Variants in ADAP2 observed in about 807,000 individuals in gnomAD.
ADAP2 encodes the protein ArfGAP with dual PH domains 2.
A neutral mutation model predicts 54.9 loss-of-function variants in ADAP2; 42 were observed. The observed-to-expected ratio is 0.77, with a 90% CI of 0.60 to 0.99. ADAP2 has a LOEUF of 0.99. Among genes scored for constraint, ADAP2 ranks in the 50% least tolerant of loss-of-function variants. The probability of loss-of-function intolerance (pLI) is 0.00; values close to 1 mark genes in which losing one functional copy is unlikely to be tolerated. For synonymous variants in ADAP2, 177 were observed against 180.1 expected (o/e 0.98, Z 0.14); for missense variants, 429 against 480.4 (o/e 0.89, Z 1.00).
At chr17:30,942,899 C>T (rs923799340) in intron 5 of ADAP2, among the ~76,000 whole-genome samples, 1 of 152,120 alleles carries the variant, frequency 6.6e-6, no homozygotes. Context: ...AAAAAAGTAA[C>T]AGATACTGGT....
intron 6 of ADAP2, among the ~76,000 whole-genome samples, chr17:30,947,497 G>A (rs1182413329): frequency 1.3e-5 from 2 of 152,134 alleles, no homozygotes; most frequent in Admixed American, 1.3e-4. Context: ...GAGATTACAG[G>A]CATGTACCAC....
At chr17:30,939,625 G>T (rs937123422) in intron 5 of ADAP2, among the ~76,000 whole-genome samples, 2 of 151,906 alleles carry the variant, frequency 1.3e-5, no homozygotes, top group Non-Finnish European at 2.9e-5. Context: ...CAAAAACTTA[G>T]CTGGGCGTGG....
chr17:30,923,638 T>G (rs1031339041), intron 2 of ADAP2, among the ~76,000 whole-genome samples: 6 of 151,592 alleles, frequency 4.0e-5, no homozygotes, highest in Non-Finnish European at 7.4e-5. Context: ...GGACCCTCAG[T>G]TTCCACATCT....
intron 6 of ADAP2, among the ~76,000 whole-genome samples, chr17:30,948,198 A>G (rs1181257433): frequency 6.6e-6 from 1 of 152,172 alleles, no homozygotes; most frequent in Non-Finnish European, 1.5e-5. Flanking sequence ...AGACAGCAAA[A>G]TCATAGTAAA....
Position 30,945,031 on chromosome 17 carries a change from T to C in ADAP2, c.635T>C (p.Phe212Ser). 1 of 1,613,894 alleles carries C rather than the reference T, an allele frequency of 6.2e-7. No individual in the cohort carries two copies. The highest frequency in any genetic ancestry group is 8.5e-7 in the Non-Finnish European group (1 of 1,179,962). Reference sequence around the variant, plus strand: ...AGAGATGGCCACACCAGGAACCTGTTTGTGTATCATGAAAGTGGGAAGGTG... The same window carrying C: ...AGAGATGGCCACACCAGGAACCTGTCTGTGTATCATGAAAGTGGGAAGGTG... Reference protein sequence around the residue: ...YRRDGHTRNLFVYHESGKEIV... With the variant: ...YRRDGHTRNLSVYHESGKEIV... Residue 212 changes from phenylalanine to serine, a missense_variant, in exon 6 of 11, where the codon TTT becomes TCT. Coordinates refer to ENST00000330889, the MANE Select transcript of ADAP2 (RefSeq NM_018404.3).
In ADAP2 at chr17:30,949,249, C is replaced by T. The variant is rs1170296509; in HGVS notation, c.658-38C>T. On this transcript the variant is annotated intron_variant, in intron 6 of 10. Transcript: ENST00000330889. ...AGGTAGCTTCCCACCCACCCCATCT[C>T]ACTGCTGTGTGTGTGTCCTGTGCAC... 2.6e-6 allele frequency: 4 copies of T among 1,566,656 alleles called. No homozygotes were observed. The South Asian group carries it at 4.4e-5, about 17-fold the overall frequency.
At chr17:30,931,332 A>T (rs188075886) in intron 3 of ADAP2, among the ~76,000 whole-genome samples, 278 of 152,216 alleles carry the variant, frequency 1.8e-3, no homozygotes, top group African/African-American at 6.4e-3. Flanking sequence ...ACAACTGGGG[A>T]GGGGGTGCTA....
At chr17:30,932,111 C>T in intron 4 of ADAP2, 143 bp downstream of exon 4, 1 of 688,172 alleles carries the variant, frequency 1.5e-6, no homozygotes, top group Non-Finnish European at 2.4e-6. Context: ...GTGGGTTCTT[C>T]TGACTTTGAA....
chr17:30,927,458 A>C (rs1567714352), intron 3 of ADAP2, among the ~76,000 whole-genome samples: 1 of 151,750 alleles, frequency 6.6e-6, no homozygotes, highest in Non-Finnish European at 1.5e-5. Context: ...CTAAAAATAC[A>C]AAAAAAATTT....
intron 5 of ADAP2, among the ~76,000 whole-genome samples, chr17:30,934,746 A>G (rs1911749186): frequency 6.6e-6 from 1 of 152,234 alleles, no homozygotes; most frequent in African/African-American, 2.4e-5. Flanking sequence ...GTAAAATAGA[A>G]GTGGCTGCGC....
rs769975921 is a variant in ADAP2, at chr17:30,953,354, C to G, written c.804+4C>G. 1 of 1,613,464 alleles carries G rather than the reference C, an allele frequency of 6.2e-7. No homozygotes were observed. Among genetic ancestry groups the G allele is most frequent in the African/African-American group, 1.3e-5 (1 of 74,840 alleles). On this transcript the variant is annotated splice_donor_region_variant and intron_variant, in intron 8 of 10. Coordinates refer to ENST00000330889, the MANE Select transcript of ADAP2 (RefSeq NM_018404.3). Reference sequence around the variant, plus strand: ...CATGGAAAAGACTGGGCCAAAGGTACCTTCTATCACTCCCTGGGGAACTTA... The same window carrying G: ...CATGGAAAAGACTGGGCCAAAGGTAGCTTCTATCACTCCCTGGGGAACTTA...
chr17:30,937,786 A>G (rs1911995490), intron 5 of ADAP2, among the ~76,000 whole-genome samples: 1 of 152,204 alleles, frequency 6.6e-6, no homozygotes, highest in Non-Finnish European at 1.5e-5. Context: ...TTGCTCTATA[A>G]AACTACAAGA....
chr17:30,958,141 C>A lies in ADAP2; in HGVS notation c.*272C>A. ...CTAGGCTTGAAATGCCCTACAGGCC[C>A]AGAACTTTCTCACATCTGAAATGGA... On this transcript the variant is annotated 3_prime_UTR_variant, in exon 11 of 11. Transcript: ENST00000330889. 1 of 448,540 alleles carries A rather than the reference C, an allele frequency of 2.2e-6. No homozygotes were observed. The highest frequency in any genetic ancestry group is 4.0e-6 in the Non-Finnish European group (1 of 248,124). The allele number at this position is 448,540 out of a possible 1,614,324, so 27.8% of individuals were successfully genotyped here. A position where few individuals can be genotyped will look rare whatever the true frequency, so the allele number is the denominator to read the frequency against.
At chr17:30,949,238 C>A in intron 6 of ADAP2, 49 bp from the exon 7 acceptor site, 1 of 1,538,034 alleles carries the variant, frequency 6.5e-7, no homozygotes, top group Non-Finnish European at 9.0e-7. Context: ...AGCTTCCCAC[C>A]CACCCCATCT....
chr17:30,952,379 GT>G (rs1018038085), intron 7 of ADAP2, among the ~76,000 whole-genome samples: 4 of 151,912 alleles, frequency 2.6e-5, no homozygotes, highest in African/African-American at 4.8e-5. Flanking sequence ...TTTCTTTTTT[GT>G]TTTGTTTTGT....
In ADAP2 at chr17:30,922,953, C is replaced by A. The variant is rs750156060; in HGVS notation, c.108C>A (p.Ala36=). The A allele has an allele frequency of 6.2e-7, 1 of 1,613,900 alleles. No homozygotes were observed. Among genetic ancestry groups the A allele is most frequent in the Non-Finnish European group, 8.5e-7 (1 of 1,179,970 alleles). The change falls in exon 2 of 11, where the codon GCC becomes GCA. Residue 36 remains alanine (A), a synonymous_variant. Transcript: ENST00000330889. ...CATCCCCTGCAGATCCCGACTGGGC[C>A]TCTTACAAGCTGGGGATCTTCATCT... ...ADCGAADPDW[A]SYKLGIFICL...
At position 30,934,589 on chromosome 17, in the gene ADAP2, G is replaced by A. The variant is rs1057264793; in HGVS notation, c.510+292G>A. Among the ~76,000 whole-genome samples the A allele has an allele frequency of 3.3e-5, 5 of 152,284 alleles. No individual in the cohort carries two copies. The East Asian group carries it at 9.6e-4, about 29-fold the overall frequency. ...GAAACATTTATTGAGTACCTACTGT[G>A]TGCTAGACATTATTCCAGGCACTGA... is the stretch of plus-strand genomic sequence containing the variant. On this transcript the variant is annotated intron_variant, in intron 5 of 10. Coordinates refer to ENST00000330889, the MANE Select transcript of ADAP2 (RefSeq NM_018404.3).
At chr17:30,932,016 T>G in intron 4 of ADAP2, 48 bp downstream of exon 4, 90 of 1,518,612 alleles carry the variant, frequency 5.9e-5, no homozygotes, top group Middle Eastern at 1.7e-4. Context: ...TAATGAGCTC[T>G]AGAAAAACCA....
intron 6 of ADAP2, among the ~76,000 whole-genome samples, chr17:30,945,783 C>CAGAA (rs550742767): frequency 6.1e-4 from 89 of 146,762 alleles, no homozygotes; most frequent in South Asian, 2.4e-3. Context: ...CAAAACAAAC[C>CAGAA]AGAAAGAAAG....
Sources: gnomAD v4.1 joint callset for allele counts (sites outside exome capture counted in the v4.1 genomes callset) on GRCh38, gnomAD v4.1.1 for gene constraint, MANE v1.5 for transcripts, NCBI Gene and HGNC (gene_info 2026-07-23, HGNC 2026-07-21) for gene names.